AKAIN1: variants seen among roughly 807,000 people sequenced by gnomAD.
AKAIN1 encodes A-kinase anchor protein inhibitor 1.
A neutral mutation model predicts 3.7 loss-of-function variants in AKAIN1; 3 were observed. The ratio of observed to expected loss-of-function variants is 0.82; its 90% confidence interval spans 0.37 to 2.12. The LOEUF (loss-of-function observed/expected upper bound fraction) is 2.12, where lower values mean the gene tolerates loss of function less well. Ranked by LOEUF, AKAIN1 falls within the 30% of genes most tolerant of loss-of-function variation. AKAIN1 has a pLI of 0.06. For missense variants in AKAIN1, 82 were observed against 82.7 expected (o/e 0.99, Z 0.03); for synonymous variants, 31 against 30.8 (o/e 1.01, Z -0.02).
At chr18:5,192,170 C>T (rs2071322143) in intron 1 of AKAIN1, among the ~76,000 whole-genome samples, 1 of 152,108 alleles carries the variant, frequency 6.6e-6, no homozygotes, top group Non-Finnish European at 1.5e-5. Flanking sequence ...AATGAAAGGA[C>T]ACACATATAG....
At chr18:5,158,554 G>T (rs1373559086) in intron 1 of AKAIN1, among the ~76,000 whole-genome samples, 2 of 152,142 alleles carry the variant, frequency 1.3e-5, no homozygotes, top group African/African-American at 4.8e-5. Context: ...ACTTCTAAAG[G>T]GGTCAGTTCT....
rs1483439739 is a variant in AKAIN1, at chr18:5,142,945, A to G, written c.*2617T>C. ...CAATACTGTTTGCACTGAACAGATG[A>G]TTACAGCAGAGAAAAGTAACATGAA... On this transcript the variant is annotated 3_prime_UTR_variant, in exon 2 of 2. Transcript: ENST00000434239. Among the ~76,000 whole-genome samples the G allele has an allele frequency of 6.6e-6, 1 of 152,244 alleles. No homozygotes were observed. Among genetic ancestry groups the G allele is most frequent in the African/African-American group, 2.4e-5 (1 of 41,462 alleles).
intron 1 of AKAIN1, among the ~76,000 whole-genome samples, chr18:5,195,676 A>T (rs1394039121): frequency 6.6e-6 from 1 of 152,226 alleles, no homozygotes. Flanking sequence ...CAGGGTAATT[A>T]GGAGATCAAA....
intron 1 of AKAIN1, among the ~76,000 whole-genome samples, chr18:5,169,679 T>C (rs1328767833): frequency 2.6e-5 from 4 of 152,166 alleles, no homozygotes; most frequent in Non-Finnish European, 5.9e-5. Context: ...TCTTAGTTTA[T>C]CTGGATTTTT....
intron 1 of AKAIN1, among the ~76,000 whole-genome samples, chr18:5,167,007 A>C (rs539951675): frequency 4.5e-4 from 69 of 152,206 alleles, no homozygotes; most frequent in Middle Eastern, 3.4e-3. Flanking sequence ...CTTCTCTTAG[A>C]GTAGTAAATG....
At chr18:5,154,094 A>G (rs75938206) in intron 1 of AKAIN1, among the ~76,000 whole-genome samples, 2,775 of 152,288 alleles carry the variant, frequency 0.018, 79 homozygotes, top group African/African-American at 0.063. Flanking sequence ...TAAATTTATA[A>G]AAAGTAAAGC....
rs186532449 is a variant in AKAIN1 at position 5,191,636 on chromosome 18, A to T, written c.16+5402T>A. Among the ~76,000 whole-genome samples, 16 of 152,186 alleles carry T rather than the reference A, an allele frequency of 1.1e-4. No homozygotes were observed. In the East Asian group the frequency reaches 1.5e-3, roughly 15 times the overall value. Reference sequence around the variant, plus strand: ...ATTTTATGTAGATATAGGCAACCTGACTCTAAAATTTATATGGAAAGGTAA... The same window carrying T: ...ATTTTATGTAGATATAGGCAACCTGTCTCTAAAATTTATATGGAAAGGTAA... On this transcript the variant is annotated intron_variant, in intron 1 of 1. Coordinates refer to ENST00000434239, the MANE Select transcript of AKAIN1 (RefSeq NM_001145194.2).
At chr18:5,172,561 T>G (rs1327451424) in intron 1 of AKAIN1, among the ~76,000 whole-genome samples, 1 of 152,064 alleles carries the variant, frequency 6.6e-6, no homozygotes, top group Non-Finnish European at 1.5e-5. Context: ...TAAAATATAT[T>G]TTTACATAAT....
intron 1 of AKAIN1, among the ~76,000 whole-genome samples, chr18:5,180,815 T>C (rs2071253571): frequency 1.3e-5 from 2 of 152,030 alleles, no homozygotes; most frequent in South Asian, 4.1e-4. Context: ...ATGTTAGAAA[T>C]AAATTCCATG....
chr18:5,192,428 TCTTTCTTTCTTTC>T, intron 1 of AKAIN1, among the ~76,000 whole-genome samples: 1 of 119,298 alleles, frequency 8.4e-6, no homozygotes, highest in African/African-American at 2.9e-5. Context: ...TTTCTTTCTT[TCTTTCTTTCTTTC>T]TTTCTTTTTC....
In AKAIN1 at chr18:5,144,248, A is replaced by C. The variant is rs1376618627; in HGVS notation, c.*1314T>G. On this transcript the variant is annotated 3_prime_UTR_variant, in exon 2 of 2. Transcript: ENST00000434239. ...TATTGGAATTTTAGAAGTATATCTT[A>C]ATATCAGTCACAATTTATACCCGAA... Among the ~76,000 whole-genome samples the C allele has an allele frequency of 6.6e-6, 1 of 152,214 alleles. No homozygotes were observed. The highest frequency in any genetic ancestry group is 1.5e-5 in the Non-Finnish European group (1 of 68,036).
intron 1 of AKAIN1, among the ~76,000 whole-genome samples, chr18:5,185,069 A>G (rs1598315676): frequency 1.3e-5 from 2 of 152,256 alleles, no homozygotes; most frequent in East Asian, 3.9e-4. Flanking sequence ...GATCTTCAAC[A>G]AAGTTGACAA....
chr18:5,171,882 C>T (rs1453364861), intron 1 of AKAIN1, among the ~76,000 whole-genome samples: 5 of 152,104 alleles, frequency 3.3e-5, no homozygotes, highest in African/African-American at 1.2e-4. Flanking sequence ...GAAGAGATAC[C>T]TGCACTCCCA....
chr18:5,151,914 A>G (rs1208887003), intron 1 of AKAIN1, among the ~76,000 whole-genome samples: 2 of 152,248 alleles, frequency 1.3e-5, no homozygotes, highest in Non-Finnish European at 2.9e-5. Context: ...CTACATGACA[A>G]ACACTAGGCT....
intron 1 of AKAIN1, among the ~76,000 whole-genome samples, chr18:5,164,687 T>C (rs1209197069): frequency 6.6e-6 from 1 of 152,008 alleles, no homozygotes; most frequent in Non-Finnish European, 1.5e-5. Flanking sequence ...GTTGATTCAG[T>C]AGCTTAACAA....
upstream of AKAIN1, chr18:5,197,613 G>A: frequency 2.1e-6 from 1 of 481,926 alleles, no homozygotes; most frequent in East Asian, 3.5e-5. This position sits in a 1 kb window ranked among gnomAD's most constrained non-coding sequence, Gnocchi z 6.9. Context: ...ATAGGTCCTG[G>A]AGGTCCGTGA....
chr18:5,161,456 G>C lies in AKAIN1; in HGVS notation c.17-15701C>G, dbSNP rs77298117. Among the ~76,000 whole-genome samples the C allele has an allele frequency of 7.9e-4, 120 of 152,106 alleles. No individual in the cohort carries two copies. The East Asian group carries it at 0.013, about 16-fold the overall frequency. ...GTTGAAACTTCCATATACAATGATT[G>C]CATCTCCCAGTGATGACAACTTGCT... is the stretch of plus-strand genomic sequence containing the variant. On this transcript the variant is annotated intron_variant, in intron 1 of 1. Transcript: ENST00000434239.
rs192204839 is a variant in AKAIN1, at chr18:5,182,802, T to C, written c.16+14236A>G. On this transcript the variant is annotated intron_variant, in intron 1 of 1. Coordinates refer to ENST00000434239, the MANE Select transcript of AKAIN1 (RefSeq NM_001145194.2). ...TTTTGGTGATTCTGGCTGTCTATTC[T>C]TTTACTCTCCATCCCTGACAGCAGC... 1.7e-3 allele frequency among the ~76,000 whole-genome samples: 263 copies of C among 152,202 alleles called. 5 individuals are homozygous for C. The highest frequency in any genetic ancestry group is 1.0e-3 in the Non-Finnish European group (70 of 67,972).
chr18:5,159,352 A>T (rs1393815413), intron 1 of AKAIN1: 1 of 152,170 alleles, frequency 6.6e-6, no homozygotes, highest in Admixed American at 6.5e-5. Context: ...TCCAAGTCAA[A>T]TGTATTGAGC....
Sources: gnomAD v4.1 joint callset for allele counts (sites outside exome capture counted in the v4.1 genomes callset) on GRCh38, gnomAD v4.1.1 for gene constraint, Gnocchi (gnomAD v3.1) non-coding constraint, MANE v1.5 for transcripts, NCBI Gene and HGNC (gene_info 2026-07-23, HGNC 2026-07-21) for gene names.